NTF3: variants seen among roughly 807,000 people sequenced by gnomAD.
NTF3 encodes the protein neurotrophin 3, also known as neurotrophin-3.
NTF3 carries 8 observed loss-of-function variants against 26.3 expected under a neutral mutation model. The observed-to-expected ratio is 0.30, with a 90% CI of 0.18 to 0.55. The LOEUF is 0.55. NTF3 is among the 20% of genes least tolerant of loss of function. The pLI is 0.93. For missense variants in NTF3, 276 were observed against 352.9 expected (o/e 0.78, Z 1.75); for synonymous variants, 154 against 145.5 (o/e 1.06, Z -0.42).
At position 5,494,530 on chromosome 12, in the gene NTF3, C is replaced by G. The variant is rs747012551; in HGVS notation, c.355C>G (p.Leu119Val). The G allele has an allele frequency of 6.2e-7, 1 of 1,614,106 alleles. No homozygotes were observed. Among genetic ancestry groups the G allele is most frequent in the Non-Finnish European group, 8.5e-7 (1 of 1,180,040 alleles). ...QRRYNSPRVL[L>V]SDSTPLEPPP... is the part of the protein sequence containing the mutation. ...ACGCTACAACTCACCGCGGGTCCTG[C>G]TGAGCGACAGCACCCCCTTGGAGCC... The change falls in exon 2 of 2, where the codon CTG becomes GTG. Residue 119 changes from leucine to valine, a missense_variant. Leu to Val is a conservative substitution (Grantham distance 32). Around this residue, in one of 3 missense-constraint regions of NTF3, gnomAD observed 221 missense variants for 258.2 expected, o/e 0.86. Transcript: ENST00000423158. This position sits in a 1 kb window ranked among gnomAD's most constrained non-coding sequence, Gnocchi z 8.3.
At chr12:5,477,483 AT>A (rs1487849495) in intron 1 of NTF3, among the ~76,000 whole-genome samples, 1 of 152,206 alleles carries the variant, frequency 6.6e-6, no homozygotes, top group Non-Finnish European at 1.5e-5. Context: ...AACATGTTTA[AT>A]CATTGGATGT....
chr12:5,481,631 G>T, intron 1 of NTF3, among the ~76,000 whole-genome samples: 1 of 57,434 alleles, frequency 1.7e-5, no homozygotes, highest in Admixed American at 1.5e-4. Flanking sequence ...ACACATACAT[G>T]CACACATACA....
At chr12:5,473,237 T>C (rs1157599493) in intron 1 of NTF3, among the ~76,000 whole-genome samples, 6 of 152,198 alleles carry the variant, frequency 3.9e-5, no homozygotes, top group African/African-American at 1.4e-4. Context: ...GTACATTCTT[T>C]CCACTCCACA....
intron 1 of NTF3, among the ~76,000 whole-genome samples, chr12:5,440,406 C>G (rs66856138): frequency 0.087 from 13,292 of 152,126 alleles, 623 homozygotes; most frequent in South Asian, 0.12. Flanking sequence ...GATCTAAGAC[C>G]CCAGCATTTA....
upstream of NTF3, chr12:5,432,069 G>T: frequency 2.2e-6 from 1 of 464,718 alleles, no homozygotes; most frequent in Non-Finnish European, 4.0e-6. Flanking sequence ...CCATCTGGCC[G>T]GGTTGGCTGG....
At chr12:5,479,850 C>T (rs76256454) in intron 1 of NTF3, among the ~76,000 whole-genome samples, 1 of 152,198 alleles carries the variant, frequency 6.6e-6, no homozygotes, top group Non-Finnish European at 1.5e-5. Context: ...TTTGGGAAAG[C>T]CTTGTTGCTC....
At chr12:5,488,811 C>T (rs1294754855) in intron 1 of NTF3, among the ~76,000 whole-genome samples, 2 of 152,186 alleles carry the variant, frequency 1.3e-5, no homozygotes, top group African/African-American at 4.8e-5. Flanking sequence ...AAGAATCAGG[C>T]CCTTCTGGAC....
At chr12:5,486,170 C>T (rs1181045861) in intron 1 of NTF3, among the ~76,000 whole-genome samples, 1 of 152,242 alleles carries the variant, frequency 6.6e-6, no homozygotes, top group African/African-American at 2.4e-5. Flanking sequence ...AGGAGTCAGC[C>T]TGCCATCTGA....
rs1328942201 is a variant in NTF3 at position 5,467,309 on chromosome 12, T to C, written c.19-26885T>C. Among the ~76,000 whole-genome samples, 4 of 142,894 alleles carry C rather than the reference T, an allele frequency of 2.8e-5. No individual in the cohort carries two copies. The East Asian group carries it at 8.2e-4, about 29-fold the overall frequency. 93.7% of individuals were successfully genotyped at this position (142,894 alleles called of 152,430 possible). A position where few individuals can be genotyped will look rare whatever the true frequency, so the allele number is the denominator to read the frequency against. Reference sequence around the variant, plus strand: ...GCTTTTTGGGGCAATGGGAGGGAAATTTTAAGAGCTGATTTCTGTGATCTT... The same window carrying C: ...GCTTTTTGGGGCAATGGGAGGGAAACTTTAAGAGCTGATTTCTGTGATCTT... On this transcript the variant is annotated intron_variant, in intron 1 of 1. Transcript: ENST00000423158.
chr12:5,447,579 T>C (rs1437755478), intron 1 of NTF3, among the ~76,000 whole-genome samples: 1 of 152,220 alleles, frequency 6.6e-6, no homozygotes, highest in African/African-American at 2.4e-5. Context: ...CTTTGCAAAG[T>C]GGGATAATAA....
intron 1 of NTF3, among the ~76,000 whole-genome samples, chr12:5,483,392 C>T (rs765961411): frequency 1.3e-5 from 2 of 152,132 alleles, no homozygotes; most frequent in Non-Finnish European, 2.9e-5. Flanking sequence ...GGTTCCAGCC[C>T]CGAGTAGTTG....
At chr12:5,465,708 G>A (rs1179137405) in intron 1 of NTF3, among the ~76,000 whole-genome samples, 1 of 152,170 alleles carries the variant, frequency 6.6e-6, no homozygotes, top group Non-Finnish European at 1.5e-5. Context: ...TGATTTCCAG[G>A]CCCCCATCCC....
At chr12:5,487,055 TCCTTCCTA>T (rs1940875437) in intron 1 of NTF3, among the ~76,000 whole-genome samples, 1 of 152,186 alleles carries the variant, frequency 6.6e-6, no homozygotes. Flanking sequence ...TCTCTGCAGA[TCCTTCCTA>T]GTCCACCCTC....
intron 1 of NTF3, 116 bp downstream of exon 1, chr12:5,432,458 C>A: frequency 8.8e-7 from 1 of 1,142,362 alleles, no homozygotes; most frequent in Non-Finnish European, 1.3e-6. Context: ...CCGCCCCACC[C>A]CCATCGCGCC....
intron 1 of NTF3, among the ~76,000 whole-genome samples, chr12:5,468,644 G>C (rs1940622473): frequency 6.6e-6 from 1 of 152,214 alleles, no homozygotes; most frequent in Non-Finnish European, 1.5e-5. Flanking sequence ...GTAGCTTAGA[G>C]CTTAATGGTA....
chr12:5,475,912 GAA>G (rs1468226968), intron 1 of NTF3, among the ~76,000 whole-genome samples: 5 of 138,516 alleles, frequency 3.6e-5, no homozygotes, highest in African/African-American at 1.2e-4. Context: ...AAGAAAGAAA[GAA>G]AGAGAGAAAG....
At chr12:5,461,178 C>G (rs1722931910) in intron 1 of NTF3, among the ~76,000 whole-genome samples, 2 of 152,142 alleles carry the variant, frequency 1.3e-5, no homozygotes, top group African/African-American at 4.8e-5. Flanking sequence ...TTTTTAAGGT[C>G]TTGATTTGCC....
At position 5,491,984 on chromosome 12, in the gene NTF3, G is replaced by T. The variant is rs548701459; in HGVS notation, c.19-2210G>T. Among the ~76,000 whole-genome samples the T allele has an allele frequency of 8.5e-5, 13 of 152,098 alleles. 1 individual carries two copies. The South Asian group carries it at 2.3e-3, about 27-fold the overall frequency. On this transcript the variant is annotated intron_variant, in intron 1 of 1. Transcript: ENST00000423158. The stretch of plus-strand genomic sequence containing the variant: ...CCACCTCGGCCTCCCAAAGTGCTGG[G>T]ATTACAGGCATAAGCCACCGTACCC...
intron 1 of NTF3, among the ~76,000 whole-genome samples, chr12:5,442,611 T>G (rs1032076318): frequency 1.3e-5 from 2 of 152,226 alleles, no homozygotes; most frequent in African/African-American, 4.8e-5. Flanking sequence ...TGTCCACTTC[T>G]GTCCTGAGTC....
Sources: allele counts gnomAD v4.1 joint callset (sites outside exome capture counted in the v4.1 genomes callset), GRCh38; gene constraint gnomAD v4.1.1; regional missense constraint gnomAD v4.1.1; non-coding constraint Gnocchi (gnomAD v3.1); transcripts MANE v1.5; gene names NCBI Gene and HGNC (gene_info 2026-07-23, HGNC 2026-07-21).